The following GRM8 variants were observed in gnomAD, a reference collection of about 807,000 sequenced individuals.
GRM8 encodes the protein glutamate metabotropic receptor 8.
A neutral mutation model predicts 87.2 loss-of-function variants in GRM8; 47 were observed. The ratio of observed to expected loss-of-function variants is 0.54; its 90% CI spans 0.43 to 0.69. The LOEUF is 0.69. Ranked by LOEUF, GRM8 falls within the 30% of genes least tolerant of loss-of-function variation. The pLI is 0.00. For missense variants in GRM8, 1,019 were observed against 1,139.2 expected, an observed-to-expected ratio of 0.89 and a Z score of 1.52; for synonymous variants, 396 against 404.5, an observed-to-expected ratio of 0.98 and a Z score of 0.25.
At chr7:127,217,663 A>G (rs961317602) in intron 2 of GRM8, among the ~76,000 whole-genome samples, 2 of 152,152 alleles carry the variant, frequency 1.3e-5, no homozygotes, top group Non-Finnish European at 2.9e-5. Context: ...TAGGTCTCTC[A>G]TATCCCTTCC....
intron 7 of GRM8, among the ~76,000 whole-genome samples, chr7:126,760,715 T>C (rs995125150): frequency 6.6e-6 from 1 of 152,172 alleles, no homozygotes; most frequent in Non-Finnish European, 1.5e-5. Flanking sequence ...TCCTCAATTG[T>C]ATTTCTAATG....
At chr7:126,719,208 G>C (rs1479643588) in intron 7 of GRM8, among the ~76,000 whole-genome samples, 2 of 151,628 alleles carry the variant, frequency 1.3e-5, no homozygotes. Context: ...AGATAATATT[G>C]ATGGGATAAA....
intron 7 of GRM8, among the ~76,000 whole-genome samples, chr7:126,626,543 G>A (rs944778784): frequency 6.6e-6 from 1 of 151,998 alleles, no homozygotes; most frequent in African/African-American, 2.4e-5. Flanking sequence ...TCTAAGATCT[G>A]TAAATGGATC....
At chr7:127,092,006 A>AC (rs1312285699) in intron 3 of GRM8, among the ~76,000 whole-genome samples, 59 of 25,202 alleles carry the variant, frequency 2.3e-3, no homozygotes, top group African/African-American at 0.011. Context: ...CCCACTGATG[A>AC]CCCCCCCCAC....
Position 126,446,481 on chromosome 7 carries a change from A to G in GRM8, c.2431-109T>C, listed in dbSNP as rs533944701. 74 of 687,930 alleles carry G rather than the reference A, an allele frequency of 1.1e-4. 1 individual carries two copies. In the Middle Eastern group the frequency reaches 1.2e-3, roughly 12 times the overall value. 42.6% of individuals were successfully genotyped at this position (687,930 alleles called of 1,614,324 possible). ...GTTCCAGCTTCTCTGCTAAAGGCAC[A>G]TTAAAAGGCACTTATTGAAATTGTC... On this transcript the variant is annotated intron_variant, in intron 9 of 10. Coordinates refer to ENST00000339582, the MANE Select transcript of GRM8 (RefSeq NM_000845.3).
At chr7:127,023,788 C>T (rs1246170105) in intron 3 of GRM8, among the ~76,000 whole-genome samples, 1 of 152,080 alleles carries the variant, frequency 6.6e-6, no homozygotes, top group Admixed American at 6.6e-5. Flanking sequence ...GTTTGCACAG[C>T]TCCATGGAAT....
intron 6 of GRM8, among the ~76,000 whole-genome samples, chr7:126,872,176 G>A (rs887531307): frequency 1.3e-5 from 2 of 152,102 alleles, no homozygotes; most frequent in African/African-American, 4.8e-5. Context: ...GCTGTTCTCA[G>A]GAGAACTTCA....
At chr7:126,931,674 C>T (rs1805785884) in intron 3 of GRM8, among the ~76,000 whole-genome samples, 1 of 152,078 alleles carries the variant, frequency 6.6e-6, no homozygotes, top group South Asian at 2.1e-4. Context: ...TCTTCATTTT[C>T]TAGTTTGAAG....
At chr7:126,568,718 C>G (rs899771374) in intron 8 of GRM8, among the ~76,000 whole-genome samples, 10 of 151,978 alleles carry the variant, frequency 6.6e-5, no homozygotes, top group South Asian at 2.1e-4. Flanking sequence ...ATTGATCAAG[C>G]TACAAAATAA....
At chr7:126,872,433 G>A (rs981569523) in intron 6 of GRM8, among the ~76,000 whole-genome samples, 6 of 152,058 alleles carry the variant, frequency 3.9e-5, no homozygotes, top group Non-Finnish European at 8.8e-5. Flanking sequence ...GGAATATTAG[G>A]AGTATTAATT....
At chr7:126,491,821 T>C (rs1168414552) in intron 9 of GRM8, among the ~76,000 whole-genome samples, 1 of 152,104 alleles carries the variant, frequency 6.6e-6, no homozygotes, top group Non-Finnish European at 1.5e-5. Flanking sequence ...AGGATCTCAC[T>C]GTTTCCTGTC....
chr7:127,214,337 A>G (rs1796392549), intron 2 of GRM8, among the ~76,000 whole-genome samples: 1 of 152,158 alleles, frequency 6.6e-6, no homozygotes, highest in East Asian at 1.9e-4. Context: ...ATTTATGGAA[A>G]TTCATCATGG....
chr7:126,959,837 G>A lies in GRM8; in HGVS notation c.728-55154C>T, dbSNP rs542456413. ...GGTTCTGAAGTCAGATAAACCTAAGGCAAAACCAGTTTCATCACTTGTTAG... is the reference window on the plus strand; with the variant it reads ...GGTTCTGAAGTCAGATAAACCTAAGACAAAACCAGTTTCATCACTTGTTAG... On this transcript the variant is annotated intron_variant, in intron 3 of 10. Transcript: ENST00000339582. Among the ~76,000 whole-genome samples, 4 of 152,182 alleles carry A rather than the reference G, an allele frequency of 2.6e-5. No homozygotes were observed. The East Asian group carries it at 5.8e-4, about 22-fold the overall frequency.
chr7:126,878,669 G>A (rs774061699), intron 6 of GRM8, among the ~76,000 whole-genome samples: 33 of 151,872 alleles, frequency 2.2e-4, no homozygotes, highest in Non-Finnish European at 3.1e-4. Flanking sequence ...ATGGGCACCC[G>A]CCATCATGCC....
chr7:126,623,935 C>G (rs547017145), intron 7 of GRM8, among the ~76,000 whole-genome samples: 1 of 152,106 alleles, frequency 6.6e-6, no homozygotes, highest in African/African-American at 2.4e-5. Context: ...AGAGAGAGAA[C>G]CTGTCCCCAC....
chr7:127,226,159 T>G (rs980729156), intron 2 of GRM8, among the ~76,000 whole-genome samples: 4 of 152,306 alleles, frequency 2.6e-5, no homozygotes, highest in Non-Finnish European at 5.9e-5. Context: ...TTGTCTCTTT[T>G]CAAATTAGCA....
At chr7:126,750,891 C>G (rs1442585918) in intron 7 of GRM8, among the ~76,000 whole-genome samples, 2 of 151,996 alleles carry the variant, frequency 1.3e-5, no homozygotes, top group Non-Finnish European at 2.9e-5. Context: ...ATAGTAATTA[C>G]CTTAATCACC....
At chr7:126,571,673 G>T (rs557089335) in intron 8 of GRM8, among the ~76,000 whole-genome samples, 20 of 151,826 alleles carry the variant, frequency 1.3e-4, no homozygotes, top group Admixed American at 1.3e-4. Flanking sequence ...CTTCAGATCA[G>T]AAATCTAGGG....
chr7:127,047,081 G>A (rs566004740), intron 3 of GRM8, among the ~76,000 whole-genome samples: 1 of 152,258 alleles, frequency 6.6e-6, no homozygotes, highest in East Asian at 1.9e-4. Context: ...AATATACATT[G>A]GGCCAGGGGT....
Sources: gnomAD v4.1 joint callset for allele counts (sites outside exome capture counted in the v4.1 genomes callset) on GRCh38, gnomAD v4.1.1 for gene constraint, MANE v1.5 for transcripts, NCBI Gene and HGNC (gene_info 2026-07-23, HGNC 2026-07-21) for gene names.